The following HUWE1 variants were observed in gnomAD, a reference collection of about 807,000 sequenced individuals.
HUWE1 encodes HECT, UBA and WWE domain containing E3 ubiquitin protein ligase 1.
Under a neutral mutation model 299.4 loss-of-function variants are expected in HUWE1, and 18 were observed. That is an observed-to-expected ratio of 0.06 (90% CI 0.04 to 0.09). The LOEUF is 0.09. Among genes scored for constraint, HUWE1 ranks in the 10% least tolerant of loss-of-function variants. The probability of loss-of-function intolerance (pLI) is 1.00; values close to 1 mark genes in which losing one functional copy is unlikely to be tolerated. For synonymous variants in HUWE1, 1,317 were observed against 1,286.1 expected (o/e 1.02, Z -0.51); for missense variants, 1,832 against 3,462.3 (o/e 0.53, Z 11.82).
intron 7 of HUWE1, among the ~76,000 whole-genome samples, chrX:53,635,478 C>T (rs1414785813): frequency 4.5e-5 from 5 of 110,152 alleles, no homozygotes; most frequent in Non-Finnish European, 1.9e-5. Context: ...GCTGCCACCA[C>T]GCCAGGCTAC....
At chrX:53,589,449 G>A (rs2064037649) in intron 36 of HUWE1, 98 bp downstream of exon 36, 1 of 809,185 alleles carries the variant, frequency 1.2e-6, no homozygotes, top group South Asian at 2.0e-5. Context: ...CCCATATCAG[G>A]TAGAATGAAA....
intron 83 of HUWE1, chrX:53,533,640 T>C (rs1236936982): frequency 2.2e-6 from 1 of 446,407 alleles, no homozygotes; most frequent in Non-Finnish European, 3.9e-6. Context: ...TTAAACACCC[T>C]GGCCTCACTC....
At chrX:53,613,347 T>G (rs1389283448) in intron 23 of HUWE1, among the ~76,000 whole-genome samples, 1 of 111,690 alleles carries the variant, frequency 9.0e-6, no homozygotes, top group Non-Finnish European at 1.9e-5. Context: ...CCTTTGCTCC[T>G]GTTGTCAACT....
At chrX:53,586,420 A>G (rs1279776553) in intron 39 of HUWE1, 70 bp downstream of exon 39, 8 of 673,723 alleles carry the variant, frequency 1.2e-5, no homozygotes, top group Non-Finnish European at 1.9e-5. Flanking sequence ...ACTCTCTCAT[A>G]TTCTCTTCTG....
chrX:53,644,929 G>A (rs983427002), intron 7 of HUWE1, among the ~76,000 whole-genome samples: 3 of 112,006 alleles, frequency 2.7e-5, no homozygotes, highest in African/African-American at 9.8e-5. Flanking sequence ...CCCTGAAGTA[G>A]ATATGTTAAA....
chrX:53,602,468 A>C, intron 28 of HUWE1, 96 bp downstream of exon 28: 1 of 535,000 alleles, frequency 1.9e-6, no homozygotes, highest in Non-Finnish European at 3.3e-6. Context: ...TAGACTATGG[A>C]TGATAGAACT....
chrX:53,570,176 A>C (rs1238884087), intron 47 of HUWE1, among the ~76,000 whole-genome samples: 3 of 111,060 alleles, frequency 2.7e-5, no homozygotes, highest in African/African-American at 1.0e-4. Flanking sequence ...TACAGTGGCT[A>C]TTCACAGGCA....
intron 43 of HUWE1, among the ~76,000 whole-genome samples, chrX:53,579,036 G>T (rs1334444515): frequency 2.6e-5 from 2 of 78,110 alleles, no homozygotes; most frequent in Non-Finnish European, 2.5e-5. Context: ...AGGCGGGGGG[G>T]GGGGTCGGCC....
At position 53,657,192 on chromosome X, in the gene HUWE1, T is replaced by G. The variant is rs903743114; in HGVS notation, c.-24-3061A>C. On this transcript the variant is annotated intron_variant, in intron 3 of 83. Coordinates refer to ENST00000262854, the MANE Select transcript of HUWE1 (RefSeq NM_031407.7). Reference sequence around the variant, plus strand: ...TCTCAGTAAACTAGGAATAGAGAACTTCTTCAAATTGATTAAAATATCTAC... The same window carrying G: ...TCTCAGTAAACTAGGAATAGAGAACGTCTTCAAATTGATTAAAATATCTAC... Among the ~76,000 whole-genome samples, 11 of 112,257 alleles carry G rather than the reference T, an allele frequency of 9.8e-5. No homozygotes were observed. The Admixed American group carries it at 1.0e-3, about 11-fold the overall frequency.
chrX:53,606,656 G>A (rs1204491070), intron 25 of HUWE1, among the ~76,000 whole-genome samples: 8 of 111,818 alleles, frequency 7.2e-5, no homozygotes, highest in African/African-American at 2.3e-4. Context: ...TACAAGGGAA[G>A]GAAATTATGA....
At chrX:53,650,569 A>G (rs2068389024) in intron 4 of HUWE1, among the ~76,000 whole-genome samples, 2 of 112,554 alleles carry the variant, frequency 1.8e-5, no homozygotes, top group Non-Finnish European at 3.8e-5. Context: ...GAAAGCAGCA[A>G]GCACAACGTT....
rs1259285298 is a variant in HUWE1 at position 53,584,301 on chromosome X, G to A, written c.5046C>T (p.Leu1682=). ...TTTTATTCAGCCGAGGTACCCTGAG[G>A]AGAGTCAGCATCACAGGGCGTCGGT... ...TGNRRPVMLT[L]LRVPRLNKNS... Residue 1682 remains leucine, a synonymous_variant, in exon 41 of 84, where the codon CTC becomes CTT. Coordinates refer to ENST00000262854, the MANE Select transcript of HUWE1 (RefSeq NM_031407.7). 25 of 1,204,713 alleles carry A rather than the reference G, an allele frequency of 2.1e-5. No homozygotes were observed. Among genetic ancestry groups the A allele is most frequent in the Non-Finnish European group, 2.8e-5 (25 of 891,128 alleles).
intron 3 of HUWE1, among the ~76,000 whole-genome samples, chrX:53,658,496 T>C (rs1557043964): frequency 9.0e-6 from 1 of 111,594 alleles, no homozygotes; most frequent in Non-Finnish European, 1.9e-5. Flanking sequence ...AAGAGTACTG[T>C]ACCGGTAAAA....
intron 4 of HUWE1, among the ~76,000 whole-genome samples, chrX:53,649,368 T>C (rs1225296795): frequency 8.9e-6 from 1 of 112,050 alleles, no homozygotes; most frequent in Non-Finnish European, 1.9e-5. Flanking sequence ...AGCTACCTCT[T>C]TGAATCTCAG....
At chrX:53,565,356 G>A (rs782387855) in intron 49 of HUWE1, 117 bp from the exon 50 acceptor site, 11 of 673,501 alleles carry the variant, frequency 1.6e-5, no homozygotes, top group Middle Eastern at 3.1e-4. Context: ...GCATAAGGTC[G>A]TACAACTAAC....
chrX:53,679,497 T>A (rs1232960958), intron 3 of HUWE1, among the ~76,000 whole-genome samples: 2 of 112,001 alleles, frequency 1.8e-5, no homozygotes, highest in African/African-American at 6.5e-5. Context: ...GTTAGAAGTA[T>A]AGATGAAACA....
At chrX:53,677,523 G>A (rs1275170991) in intron 3 of HUWE1, among the ~76,000 whole-genome samples, 1 of 106,154 alleles carries the variant, frequency 9.4e-6, no homozygotes, top group Non-Finnish European at 1.9e-5. Flanking sequence ...GTTCTTAATC[G>A]CTGTGCTGAA....
At position 53,624,110 on chromosome X, in the gene HUWE1, G is replaced by T. The variant is rs187515486; in HGVS notation, c.1672+485C>A. 2.3e-3 allele frequency among the ~76,000 whole-genome samples: 260 copies of T among 111,927 alleles called. 6 individuals carry two copies. The East Asian group carries it at 0.054, about 23-fold the overall frequency. ...AGACAGATATCTACCCGGCCTCTCT[G>T]TTTTATATCCTTGCAGGATTTTACT... is the stretch of plus-strand genomic sequence containing the variant. On this transcript the variant is annotated intron_variant, in intron 19 of 83. Transcript: ENST00000262854.
chrX:53,665,606 T>TA (rs1317983075), intron 3 of HUWE1, among the ~76,000 whole-genome samples: 3 of 112,184 alleles, frequency 2.7e-5, no homozygotes, highest in Non-Finnish European at 5.6e-5. Context: ...CCCAATTACT[T>TA]AGAGAAACTG....
Sources: gnomAD v4.1 joint callset for allele counts (sites outside exome capture counted in the v4.1 genomes callset) on GRCh38, gnomAD v4.1.1 for gene constraint, MANE v1.5 for transcripts, NCBI Gene and HGNC (gene_info 2026-07-23, HGNC 2026-07-21) for gene names.